The following SLC5A5 variants were observed in gnomAD, a reference collection of about 807,000 sequenced individuals.
SLC5A5 encodes solute carrier family 5 member 5, also known as sodium/iodide cotransporter.
In SLC5A5, 56 loss-of-function variants were observed where a neutral mutation model predicts 68.6. The ratio of observed to expected loss-of-function variants is 0.82; its 90% CI spans 0.66 to 1.02. The LOEUF (loss-of-function observed/expected upper bound fraction) is 1.02. SLC5A5 is among the 50% of genes least tolerant of loss of function. The pLI is 0.00. For synonymous variants in SLC5A5, 398 were observed against 373.0 expected (o/e 1.07, Z -0.77); for missense variants, 807 against 859.8 (o/e 0.94, Z 0.77).
At chr19:17,893,309 G>A (rs1194720017) in intron 14 of SLC5A5, among the ~76,000 whole-genome samples, 2 of 151,818 alleles carry the variant, frequency 1.3e-5, no homozygotes, top group African/African-American at 4.8e-5. Context: ...TGCCATATTG[G>A]CCAGGCTGGT....
intron 10 of SLC5A5, among the ~76,000 whole-genome samples, chr19:17,882,809 G>A (rs1281121056): frequency 6.6e-6 from 1 of 151,964 alleles, no homozygotes; most frequent in African/African-American, 2.4e-5. Flanking sequence ...TCAGCCTCCC[G>A]AGTAGCTGGG....
At chr19:17,881,080 C>A (rs2094319787) in intron 8 of SLC5A5, 127 bp downstream of exon 8, 2 of 771,608 alleles carry the variant, frequency 2.6e-6, no homozygotes, top group Middle Eastern at 4.4e-4. Flanking sequence ...CTGCTTGATC[C>A]CTAGAAGACA....
chr19:17,875,670 C>T (rs970982538), intron 4 of SLC5A5, among the ~76,000 whole-genome samples: 1 of 150,894 alleles, frequency 6.6e-6, no homozygotes, highest in Non-Finnish European at 1.5e-5. Flanking sequence ...TCCAGCTACT[C>T]CGGAGGCTGA....
In SLC5A5 at chr19:17,890,888, C is replaced by T. The variant is rs766662908; in HGVS notation, c.1654C>T (p.Pro552Ser). The change falls in exon 14 of 15, where the codon CCC (proline) becomes TCC (serine). Residue 552 changes from proline to serine, a missense_variant and splice_region_variant. By Grantham distance (74) the Pro-to-Ser change is moderately conservative. Coordinates refer to ENST00000222248, the MANE Select transcript of SLC5A5 (RefSeq NM_000453.3). ...CTCCATTTCTCCCCGCCTCTCAGGC[C>T]CCACCAAGCGCAGCACCCTGGCCCC... ...CGALISCLTGPTKRSTLAPGL... is the reference protein window; with the variant it reads ...CGALISCLTGSTKRSTLAPGL... The T allele has an allele frequency of 4.3e-6, 7 of 1,611,358 alleles. 1 individual carries two copies. The South Asian group carries it at 5.5e-5, about 13-fold the overall frequency.
intron 5 of SLC5A5, among the ~76,000 whole-genome samples, chr19:17,876,379 A>G (rs2094307287): frequency 6.7e-6 from 1 of 150,270 alleles, no homozygotes. Context: ...GCAAGCTGAG[A>G]TCACACTACT....
intron 13 of SLC5A5, among the ~76,000 whole-genome samples, chr19:17,889,960 C>G (rs560035363): frequency 1.0e-3 from 154 of 152,294 alleles, no homozygotes; most frequent in African/African-American, 3.6e-3. Flanking sequence ...AGTCATCAGG[C>G]CTTTATCGAG....
chr19:17,889,722 G>A (rs1249463100), intron 13 of SLC5A5, among the ~76,000 whole-genome samples: 1 of 152,034 alleles, frequency 6.6e-6, no homozygotes, highest in Non-Finnish European at 1.5e-5. Flanking sequence ...AGGCAGAAAC[G>A]GAGGCATTGC....
chr19:17,889,175 T>C (rs2030054650), intron 13 of SLC5A5, among the ~76,000 whole-genome samples: 1 of 151,790 alleles, frequency 6.6e-6, no homozygotes, highest in African/African-American at 2.4e-5. Context: ...GGCGGGTGGA[T>C]CACCTGAGGT....
chr19:17,889,442 G>GAAGGA (rs2030071342), intron 13 of SLC5A5, among the ~76,000 whole-genome samples: 2 of 149,798 alleles, frequency 1.3e-5, no homozygotes, highest in Non-Finnish European at 3.0e-5. Flanking sequence ...AGGAAGGAAG[G>GAAGGA]AAAGAGAAAG....
In SLC5A5 at chr19:17,872,409, C is replaced by T. The variant is rs2094296386; in HGVS notation, c.90C>T (p.Ile30=). Residue 30 remains isoleucine (I), a synonymous_variant, in exon 1 of 15, where the codon ATC becomes ATT. Transcript: ENST00000222248. ...FALMLLVSTG[I]GLWVGLARGG... ...TCATGCTCCTGGTGTCCACTGGCATCGGGCTGTGGGTCGGGCTGGCTCGGG... is the reference window on the plus strand; with the variant it reads ...TCATGCTCCTGGTGTCCACTGGCATTGGGCTGTGGGTCGGGCTGGCTCGGG... 2 of 1,606,976 alleles carry T rather than the reference C, an allele frequency of 1.2e-6. No homozygotes were observed. Among genetic ancestry groups the T allele is most frequent in the African/African-American group, 2.7e-5 (2 of 74,876 alleles).
chr19:17,882,396 C>T (rs543489550), intron 10 of SLC5A5, among the ~76,000 whole-genome samples, 177 bp downstream of exon 10: 79 of 151,698 alleles, frequency 5.2e-4, no homozygotes, highest in African/African-American at 1.8e-3. Context: ...TGAGCAGAGG[C>T]CCGATCATAG....
chr19:17,885,007 C>CTA (rs2094330089), intron 12 of SLC5A5, among the ~76,000 whole-genome samples: 1 of 129,748 alleles, frequency 7.7e-6, no homozygotes, highest in Non-Finnish European at 1.6e-5. Flanking sequence ...AAAACATTTT[C>CTA]TATTTTTTTT....
At chr19:17,875,390 A>T (rs1189201394) in intron 4 of SLC5A5, among the ~76,000 whole-genome samples, 1 of 150,838 alleles carries the variant, frequency 6.6e-6, no homozygotes, top group Non-Finnish European at 1.5e-5. Context: ...AATAATAATA[A>T]TAATAATAGT....
At chr19:17,877,617 C>G in intron 5 of SLC5A5, 106 bp from the exon 6 acceptor site, 2 of 1,442,362 alleles carry the variant, frequency 1.4e-6, no homozygotes, top group Non-Finnish European at 1.9e-6. Flanking sequence ...CAACAAAACC[C>G]ACTCCAAATG....
intron 12 of SLC5A5, among the ~76,000 whole-genome samples, chr19:17,886,053 G>A (rs1440652908): frequency 6.6e-6 from 1 of 151,442 alleles, no homozygotes; most frequent in Admixed American, 6.6e-5. Flanking sequence ...TAAAGATGGG[G>A]TTTCACCATA....
At chr19:17,885,353 G>T (rs4462721) in intron 12 of SLC5A5, among the ~76,000 whole-genome samples, 1,995 of 144,602 alleles carry the variant, frequency 0.014, 39 homozygotes, top group African/African-American at 0.051. Flanking sequence ...ATTTATTTTG[G>T]TTTTTTGGGT....
chr19:17,888,401 GC>G lies in SLC5A5; in HGVS notation c.1600del (p.Leu534TrpfsTer4). ...FYAISYLYYG[A>X]LGTLTTVLCG... ...TGCCATCTCCTATCTCTATTACGGT[GC>G]CCTGGGCACGCTGACCACTGTGCTG... is the stretch of plus-strand genomic sequence containing the variant. On this transcript the variant is annotated frameshift_variant, in exon 13 of 15. Coordinates refer to ENST00000222248, the MANE Select transcript of SLC5A5 (RefSeq NM_000453.3). LOFTEE classifies it high-confidence loss of function. 1 of 1,613,920 alleles carries G rather than the reference GC, an allele frequency of 6.2e-7. No homozygotes were observed. Among genetic ancestry groups the G allele is most frequent in the Non-Finnish European group, 8.5e-7 (1 of 1,180,006 alleles).
rs770840996 is a variant in SLC5A5 at position 17,883,787 on chromosome 19, G to A, written c.1329+20G>A. 12 of 1,603,660 alleles carry A rather than the reference G, an allele frequency of 7.5e-6. No homozygotes were observed. In the African/African-American group the frequency reaches 1.6e-4, roughly 22 times the overall value. ...ACACCGGTGAGTGGGGGCGGGGCAA[G>A]GGGCGGGGAGGGGCGGGGCCGGACA... On this transcript the variant is annotated intron_variant, in intron 11 of 14. Coordinates refer to ENST00000222248, the MANE Select transcript of SLC5A5 (RefSeq NM_000453.3).
chr19:17,881,018 G>T, intron 8 of SLC5A5, 65 bp downstream of exon 8: 1 of 1,197,706 alleles, frequency 8.3e-7, no homozygotes, highest in Admixed American at 1.7e-5. Context: ...ATCCTGGCCT[G>T]CCATCCCTCT....
Sources: gnomAD v4.1 joint callset for allele counts (sites outside exome capture counted in the v4.1 genomes callset) on GRCh38, gnomAD v4.1.1 for gene constraint, MANE v1.5 for transcripts, NCBI Gene and HGNC (gene_info 2026-07-23, HGNC 2026-07-21) for gene names.